FUBP1: variants seen among roughly 807,000 people sequenced by gnomAD.
FUBP1 encodes the protein far upstream element binding protein 1, also known as far upstream element-binding protein 1.
In FUBP1, 16 loss-of-function variants were observed where a neutral mutation model predicts 94.9. The ratio of observed to expected loss-of-function variants is 0.17; its 90% CI spans 0.11 to 0.26. FUBP1 has a LOEUF of 0.26. FUBP1 is among the 10% of genes least tolerant of loss of function. The pLI is 1.00. For synonymous variants in FUBP1, 279 were observed against 254.9 expected, an observed-to-expected ratio of 1.09 and a Z score of -0.90; for missense variants, 583 against 808.6, an observed-to-expected ratio of 0.72 and a Z score of 3.38.
Position 77,963,763 on chromosome 1 carries a change from T to C in FUBP1, c.1042-48A>G, listed in dbSNP as rs760622673. ...ACGAAGAGTCAGCACAGAAATACTT[T>C]TGTTTCATGATAAAATTATTAAGTT... is the stretch of plus-strand genomic sequence containing the variant. On this transcript the variant is annotated intron_variant, in intron 12 of 19. Transcript: ENST00000370768. 7.4e-6 allele frequency: 11 copies of C among 1,492,542 alleles called. No homozygotes were observed. In the Middle Eastern group the frequency reaches 1.1e-3, roughly 144 times the overall value. The allele number at this position is 1,492,542 out of a possible 1,614,324, so 92.5% of individuals were successfully genotyped here. A position where few individuals can be genotyped will look rare whatever the true frequency, so the allele number is the denominator to read the frequency against.
intron 1 of FUBP1, among the ~76,000 whole-genome samples, chr1:77,976,389 G>A (rs1165652605): frequency 3.9e-5 from 6 of 152,084 alleles, no homozygotes; most frequent in African/African-American, 1.4e-4. Context: ...AAAGACATCA[G>A]GACAACTGAT....
At chr1:77,967,187 G>A in intron 4 of FUBP1, 86 bp from the exon 5 acceptor site, 1 of 847,016 alleles carries the variant, frequency 1.2e-6, no homozygotes, top group Non-Finnish European at 1.9e-6. Flanking sequence ...AAAAATGGAA[G>A]TCTAATGTCT....
intron 1 of FUBP1, among the ~76,000 whole-genome samples, chr1:77,971,702 T>TAA (rs57728377): frequency 2.2e-5 from 3 of 136,578 alleles, no homozygotes; most frequent in African/African-American, 5.5e-5. Context: ...GATTGCTTGA[T>TAA]AAAAAAAAAA....
Position 77,960,452 on chromosome 1 carries a change from T to C in FUBP1, c.1388A>G (p.His463Arg). 3 of 1,593,052 alleles carry C rather than the reference T, an allele frequency of 1.9e-6. No homozygotes were observed. The highest frequency in any genetic ancestry group is 1.7e-6 in the Non-Finnish European group (2 of 1,174,786). The change falls in exon 15 of 20, where the codon CAT (histidine) becomes CGT (arginine). Residue 463 changes from histidine to arginine, a missense_variant. Transcript: ENST00000370768. The stretch of plus-strand genomic sequence containing the variant: ...AGGTCCATGGGGGCCTGGGACACCA[T>C]GGGGCCCATGGGGTACAGGTGGCCC... ...PLGPPVPHGP[H>R]GVPGPHGPPG...
Position 77,964,276 on chromosome 1 carries a change from A to G in FUBP1, c.918T>C (p.Gly306=). ...EMIKKIQNDA[G]VRIQFKPDDG... The stretch of plus-strand genomic sequence containing the variant: ...CACCTGGCTTAAACTGAATGCGAAC[A>G]CCAGCATCATTTTGTATTTTTTTGA... Residue 306 remains glycine (G), a synonymous_variant, in exon 11 of 20, where the codon GGT becomes GGC. Transcript: ENST00000370768. The G allele has an allele frequency of 6.2e-7, 1 of 1,609,110 alleles. No individual in the cohort carries two copies. The highest frequency in any genetic ancestry group is 1.1e-5 in the South Asian group (1 of 91,034).
Position 77,947,578 on chromosome 1 carries a change from CT to C in FUBP1, c.*1187del. The C allele has an allele frequency of 1.5e-6, 2 of 1,332,936 alleles. No homozygotes were observed. Among genetic ancestry groups the C allele is most frequent in the Non-Finnish European group, 9.9e-7 (1 of 1,008,914 alleles). 82.6% of individuals were successfully genotyped at this position (1,332,936 alleles called of 1,614,324 possible). A position where few individuals can be genotyped will look rare whatever the true frequency, so the allele number is the denominator to read the frequency against. ...CTTCAACAGACAATGGCAAGACAGACTGTATTTGCATGTAGTCTAATATATT... is the reference window on the plus strand; with the variant it reads ...CTTCAACAGACAATGGCAAGACAGACGTATTTGCATGTAGTCTAATATATT... On this transcript the variant is annotated 3_prime_UTR_variant, in exon 20 of 20. Transcript: ENST00000370768.
intron 1 of FUBP1, among the ~76,000 whole-genome samples, chr1:77,976,872 T>C (rs778944720): frequency 9.2e-5 from 14 of 152,166 alleles, no homozygotes; most frequent in Non-Finnish European, 2.1e-4. Context: ...CCTTGCCTCG[T>C]TTCACGTCCT....
At chr1:77,966,838 C>T (rs2102419768) in intron 6 of FUBP1, 46 bp downstream of exon 6, 2 of 1,213,248 alleles carry the variant, frequency 1.6e-6, no homozygotes, top group Middle Eastern at 3.9e-4. Context: ...AAAAAAAAAG[C>T]TAGTTTTCTA....
Position 77,964,733 on chromosome 1 carries a change from C to T in FUBP1, c.750G>A (p.Met250Ile). Reference protein sequence around the residue: ...DPYKVQQAKEMVLELIRDQGG... With the variant: ...DPYKVQQAKEIVLELIRDQGG... ...CTTGATCACGAATTAACTCTAACAC[C>T]ATTTCCTTGGCTTGCTAAAGCAGAA... The change falls in exon 10 of 20, where the codon ATG (methionine) becomes ATA (isoleucine). Residue 250 changes from methionine to isoleucine, a missense_variant. By Grantham distance (10) the Met-to-Ile change is conservative (BLOSUM62 1). Transcript: ENST00000370768. 1 of 1,611,828 alleles carries T rather than the reference C, an allele frequency of 6.2e-7. No homozygotes were observed. The highest frequency in any genetic ancestry group is 8.5e-7 in the Non-Finnish European group (1 of 1,177,960).
intron 16 of FUBP1, among the ~76,000 whole-genome samples, chr1:77,957,997 TGC>T (rs1054041764): frequency 6.6e-6 from 1 of 151,908 alleles, no homozygotes; most frequent in African/African-American, 2.4e-5. Flanking sequence ...TCGCCATGTT[TGC>T]CAGGCTGGTC....
chr1:77,973,740 A>G (rs539620690), intron 1 of FUBP1, among the ~76,000 whole-genome samples: 3 of 150,766 alleles, frequency 2.0e-5, no homozygotes, highest in African/African-American at 7.3e-5. Context: ...TAGTCTCTTT[A>G]TCTTCAGTTT....
rs59360608 is a variant in FUBP1 at position 77,972,594 on chromosome 1, C to CAA, written c.121-2581_121-2580dup. 3.2e-3 allele frequency among the ~76,000 whole-genome samples: 387 copies of CAA among 122,180 alleles called. 2 individuals are homozygous for CAA. The highest frequency in any genetic ancestry group is 0.01 in the African/African-American group (339 of 32,406). The allele number at this position is 122,180 out of a possible 152,430, so 80.2% of individuals were successfully genotyped here. A position where few individuals can be genotyped will look rare whatever the true frequency, so the allele number is the denominator to read the frequency against. ...TGAAACACCACCTCTACTAAAAATA[C>CAA]AAAAAAAAAAAAAAAAAATTAGCCA... On this transcript the variant is annotated intron_variant, in intron 1 of 19. Transcript: ENST00000370768.
intron 14 of FUBP1, among the ~76,000 whole-genome samples, chr1:77,962,154 C>T (rs1306090698): frequency 6.6e-6 from 1 of 152,176 alleles, no homozygotes; most frequent in Admixed American, 6.5e-5. Context: ...TTTGTTCTAA[C>T]AGAAAACTTT....
chr1:77,964,637 T>C lies in FUBP1; in HGVS notation c.837+9A>G. On this transcript the variant is annotated intron_variant, in intron 10 of 19. Coordinates refer to ENST00000370768, the MANE Select transcript of FUBP1 (RefSeq NM_003902.5). ...ATACAACCATTTCTGAATGGGTATT[T>C]TTACTTACATCTATCCCTTCATTTC... is the stretch of plus-strand genomic sequence containing the variant. 6.8e-7 allele frequency: 1 copy of C among 1,470,318 alleles called. No individual in the cohort carries two copies. Among genetic ancestry groups the C allele is most frequent in the Non-Finnish European group, 9.5e-7 (1 of 1,049,608 alleles). The allele number at this position is 1,470,318 out of a possible 1,614,324, so 91.1% of individuals were successfully genotyped here. A position where few individuals can be genotyped will look rare whatever the true frequency, so the allele number is the denominator to read the frequency against.
Position 77,967,094 on chromosome 1 carries a change from C to T in FUBP1, c.298G>A (p.Val100Ile). 1 of 1,568,944 alleles carries T rather than the reference C, an allele frequency of 6.4e-7. No homozygotes were observed. The highest frequency in any genetic ancestry group is 8.7e-7 in the Non-Finnish European group (1 of 1,144,734). Residue 100 changes from valine to isoleucine, a missense_variant, in exon 5 of 20, where the codon GTA becomes ATA. Physicochemically the swap from Val to Ile is conservative, Grantham distance 29 (BLOSUM62 3). Coordinates refer to ENST00000370768, the MANE Select transcript of FUBP1 (RefSeq NM_003902.5). ...PPMHQQQSRS[V>I]MTEEYKVPDG... ...GGAACTTTGTATTCTTCTGTCATTA[C>T]AGATCTGCTAAGAAATAACAGAAAG... is the stretch of plus-strand genomic sequence containing the variant.
chr1:77,967,990 A>C (rs1656833238), intron 3 of FUBP1, among the ~76,000 whole-genome samples, 175 bp downstream of exon 3: 1 of 152,174 alleles, frequency 6.6e-6, no homozygotes, highest in African/African-American at 2.4e-5. Context: ...GGCCACAATT[A>C]ATGGGACAGA....
At chr1:77,958,909 A>T (rs747359699) in intron 16 of FUBP1, among the ~76,000 whole-genome samples, 1 of 152,190 alleles carries the variant, frequency 6.6e-6, no homozygotes, top group Non-Finnish European at 1.5e-5. Context: ...TTAGTTGTTA[A>T]GAGTATTATA....
chr1:77,963,394 T>C (rs2102381901), intron 13 of FUBP1, among the ~76,000 whole-genome samples, 180 bp downstream of exon 13: 2 of 152,348 alleles, frequency 1.3e-5, no homozygotes, highest in African/African-American at 4.8e-5. Context: ...AATCCTGCTC[T>C]TTCTCTAAAT....
Position 77,946,802 on chromosome 1 carries a change from A to T in FUBP1, c.*1964T>A, listed in dbSNP as rs1172854904. ...TCAATACCCTACTCTTAAAGATAAC[A>T]AATAGCTAACTCCTTAACTATTAAA... On this transcript the variant is annotated 3_prime_UTR_variant, in exon 20 of 20. Coordinates refer to ENST00000370768, the MANE Select transcript of FUBP1 (RefSeq NM_003902.5). 1 of 205,422 alleles carries T rather than the reference A, an allele frequency of 4.9e-6. No individual in the cohort carries two copies. Among genetic ancestry groups the T allele is most frequent in the Non-Finnish European group, 1.0e-5 (1 of 100,474 alleles). 12.7% of individuals were successfully genotyped at this position (205,422 alleles called of 1,614,324 possible). A position where few individuals can be genotyped will look rare whatever the true frequency, so the allele number is the denominator to read the frequency against.
Sources: allele counts gnomAD v4.1 joint callset (sites outside exome capture counted in the v4.1 genomes callset), GRCh38; gene constraint gnomAD v4.1.1; transcripts MANE v1.5; gene names NCBI Gene and HGNC (gene_info 2026-07-23, HGNC 2026-07-21).